TMEM232: variants seen among roughly 807,000 people sequenced by gnomAD.
The protein encoded by TMEM232 is transmembrane protein 232.
A neutral mutation model predicts 78.8 loss-of-function variants in TMEM232; 80 were observed. That is an observed-to-expected ratio of 1.01 (90% CI 0.85 to 1.22). TMEM232 has a LOEUF of 1.22. Ranked by LOEUF, TMEM232 falls within the 50% of genes most tolerant of loss-of-function variation. The pLI is 0.00. For synonymous variants in TMEM232, 297 were observed against 254.3 expected, an observed-to-expected ratio of 1.17 and a Z score of -1.60; for missense variants, 881 against 742.2, an observed-to-expected ratio of 1.19 and a Z score of -2.17.
At chr5:110,528,914 T>TAAAA in intron 11 of TMEM232, 79 bp from the exon 12 acceptor site, 1 of 1,161,368 alleles carries the variant, frequency 8.6e-7, no homozygotes, top group Non-Finnish European at 1.1e-6. Flanking sequence ...TTAAATTTTT[T>TAAAA]AAAGTATCTT....
intron 12 of TMEM232, among the ~76,000 whole-genome samples, chr5:110,455,625 G>T (rs543440820): frequency 2.6e-5 from 4 of 152,086 alleles, no homozygotes; most frequent in East Asian, 3.9e-4. Flanking sequence ...TTATCCACCC[G>T]CCTCAGCCTC....
intron 10 of TMEM232, among the ~76,000 whole-genome samples, chr5:110,586,522 A>G (rs913737544): frequency 2.0e-5 from 3 of 152,030 alleles, no homozygotes; most frequent in East Asian, 3.9e-4. Context: ...AAAGTGCTAC[A>G]TTTATGAAAT....
chr5:110,689,344 A>C (rs1281381811), intron 1 of TMEM232, among the ~76,000 whole-genome samples: 2 of 152,208 alleles, frequency 1.3e-5, no homozygotes, highest in South Asian at 4.1e-4. Flanking sequence ...TCATCAACTG[A>C]TTCATAACTA....
chr5:110,681,594 G>C (rs2150183368), intron 1 of TMEM232, among the ~76,000 whole-genome samples: 1 of 152,262 alleles, frequency 6.6e-6, no homozygotes, highest in Admixed American at 6.5e-5. Context: ...GAAAAAAGGG[G>C]GTTTGTGTTA....
intron 2 of TMEM232, among the ~76,000 whole-genome samples, chr5:110,658,732 G>A (rs1225305292): frequency 1.3e-5 from 2 of 152,066 alleles, no homozygotes; most frequent in African/African-American, 4.8e-5. Context: ...CCCAAAGAGG[G>A]TTAATTGGTA....
chr5:110,580,792 A>G (rs565176598), intron 10 of TMEM232, among the ~76,000 whole-genome samples: 2 of 151,726 alleles, frequency 1.3e-5, no homozygotes, highest in Admixed American at 6.6e-5. Context: ...AATAGGTCAC[A>G]ATGAACGTCT....
In TMEM232 at chr5:110,434,464, A is replaced by G. The variant is rs571393321; in HGVS notation, c.1704-9548T>C. 1.4e-3 allele frequency among the ~76,000 whole-genome samples: 212 copies of G among 151,688 alleles called. 1 individual carries two copies. The highest frequency in any genetic ancestry group is 2.4e-3 in the Non-Finnish European group (162 of 67,686). On this transcript the variant is annotated intron_variant, in intron 12 of 13. Coordinates refer to ENST00000455884, the MANE Select transcript of TMEM232 (RefSeq NM_001039763.4). ...CCATTAAAACGTTGAATAAGTAATA[A>G]TAATAATAAACCTACCAACCAAATA...
At chr5:110,663,477 T>C (rs1179271770) in intron 2 of TMEM232, among the ~76,000 whole-genome samples, 2 of 152,030 alleles carry the variant, frequency 1.3e-5, no homozygotes, top group Non-Finnish European at 2.9e-5. Context: ...ATTATAAGTG[T>C]CACTTTTGAT....
chr5:110,655,962 C>T (rs1042937443), intron 2 of TMEM232, among the ~76,000 whole-genome samples: 12 of 149,406 alleles, frequency 8.0e-5, no homozygotes, highest in South Asian at 6.5e-4. Flanking sequence ...TGCTAAATGA[C>T]GAGTTAGTGG....
chr5:110,462,558 G>A (rs1488150731), intron 12 of TMEM232, among the ~76,000 whole-genome samples: 1 of 152,132 alleles, frequency 6.6e-6, no homozygotes, highest in African/African-American at 2.4e-5. Context: ...CAGACTCCAA[G>A]TTCTTCAACT....
At chr5:110,615,257 G>C (rs1782780157) in intron 8 of TMEM232, among the ~76,000 whole-genome samples, 1 of 151,916 alleles carries the variant, frequency 6.6e-6, no homozygotes. Context: ...TTGATTCTGA[G>C]GGACTTAGAA....
intron 12 of TMEM232, among the ~76,000 whole-genome samples, chr5:110,480,394 G>A (rs192301213): frequency 6.6e-6 from 1 of 152,110 alleles, no homozygotes; most frequent in Non-Finnish European, 1.5e-5. Flanking sequence ...AGTTACAGAT[G>A]TTTCTTCTCT....
At chr5:110,619,745 G>A (rs80060395) in intron 7 of TMEM232, among the ~76,000 whole-genome samples, 13,656 of 152,028 alleles carry the variant, frequency 0.09, 636 homozygotes, top group Admixed American at 0.13. Context: ...AATTGCTCTA[G>A]TTGTCTCAGC....
At chr5:110,521,159 T>C (rs964197920) in intron 12 of TMEM232, among the ~76,000 whole-genome samples, 3 of 152,112 alleles carry the variant, frequency 2.0e-5, no homozygotes, top group African/African-American at 7.2e-5. Flanking sequence ...GCCTTTCTCT[T>C]CAGGTGACCT....
At chr5:110,688,636 C>T (rs147993763) in intron 1 of TMEM232, among the ~76,000 whole-genome samples, 9 of 152,234 alleles carry the variant, frequency 5.9e-5, no homozygotes, top group Non-Finnish European at 7.4e-5. Flanking sequence ...ATAGATGGGA[C>T]AATTGACCCA....
intron 8 of TMEM232, chr5:110,610,463 G>T (rs894647036): frequency 5.1e-6 from 2 of 389,378 alleles, no homozygotes; most frequent in Non-Finnish European, 1.0e-5. Flanking sequence ...AGAGGCAGAA[G>T]TTGGGAACAC....
At chr5:110,667,087 A>C (rs2150129120) in intron 2 of TMEM232, 141 bp downstream of exon 2, 1 of 647,152 alleles carries the variant, frequency 1.5e-6, no homozygotes, top group East Asian at 3.2e-5. Flanking sequence ...AATTACAATA[A>C]ACAAGGCTAT....
chr5:110,390,325 C>T (rs774269636), intron 4 of TMEM232: 2 of 152,130 alleles, frequency 1.3e-5, no homozygotes, highest in African/African-American at 2.4e-5. Flanking sequence ...TACTCCCTGC[C>T]AGTGAAAAGA....
chr5:110,482,223 C>A (rs1050845194), intron 12 of TMEM232, among the ~76,000 whole-genome samples: 1 of 151,822 alleles, frequency 6.6e-6, no homozygotes, highest in Non-Finnish European at 1.5e-5. Context: ...TATAAAGTAA[C>A]CTTAATACCA....
Sources: gnomAD v4.1 joint callset for allele counts (sites outside exome capture counted in the v4.1 genomes callset) on GRCh38, gnomAD v4.1.1 for gene constraint, MANE v1.5 for transcripts, NCBI Gene and HGNC (gene_info 2026-07-23, HGNC 2026-07-21) for gene names.